MTMR3: variants seen among roughly 807,000 people sequenced by gnomAD.
The protein encoded by MTMR3 is myotubularin related protein 3, also known as phosphatidylinositol-3,5-bisphosphate 3-phosphatase MTMR3.
A neutral mutation model predicts 132.4 loss-of-function variants in MTMR3; 32 were observed. The ratio of observed to expected loss-of-function variants is 0.24; its 90% CI spans 0.18 to 0.32. The LOEUF is 0.32. Ranked by LOEUF, MTMR3 falls within the 10% of genes least tolerant of loss-of-function variation. The pLI is 1.00. For missense variants in MTMR3, 1,216 were observed against 1,489.6 expected, an observed-to-expected ratio of 0.82 and a Z score of 3.02; for synonymous variants, 556 against 550.3, an observed-to-expected ratio of 1.01 and a Z score of -0.14.
At position 30,028,007 on chromosome 22, in the gene MTMR3, G is replaced by A. The variant is rs1228019198; in HGVS notation, c.*2206G>A. The A allele has an allele frequency of 1.3e-5, 2 of 152,302 alleles. No individual in the cohort carries two copies. Among genetic ancestry groups the A allele is most frequent in the Non-Finnish European group, 2.9e-5 (2 of 68,036 alleles). 9.4% of individuals were successfully genotyped at this position (152,302 alleles called of 1,614,324 possible). ...AGATAGCCTTCCGACTCTAGACCTT[G>A]GCAAGGAGCCTCACCATGATGTTCA... On this transcript the variant is annotated 3_prime_UTR_variant, in exon 20 of 20. Coordinates refer to ENST00000401950, the MANE Select transcript of MTMR3 (RefSeq NM_021090.4).
At chr22:29,981,480 G>A (rs2066741856) in intron 5 of MTMR3, 1 of 152,128 alleles carries the variant, frequency 6.6e-6, no homozygotes, top group Admixed American at 6.5e-5. Context: ...TAATCTGAAA[G>A]TGTTTTTTTT....
In MTMR3 at chr22:30,016,708, C is replaced by T. The variant is rs775198465; in HGVS notation, c.1674+10C>T. The T allele has an allele frequency of 3.7e-5, 59 of 1,606,474 alleles. No individual in the cohort carries two copies. Among genetic ancestry groups the T allele is most frequent in the Non-Finnish European group, 5.0e-5 (59 of 1,175,886 alleles). On this transcript the variant is annotated intron_variant, in intron 15 of 19. Transcript: ENST00000401950. ...CTCTCAGTCAGAAGCCGTATGTATCCTTCAGCCTTTCCACTGTGGTCAGCA... is the reference window on the plus strand; with the variant it reads ...CTCTCAGTCAGAAGCCGTATGTATCTTTCAGCCTTTCCACTGTGGTCAGCA...
At chr22:29,917,877 A>G (rs557530614) in intron 1 of MTMR3, among the ~76,000 whole-genome samples, 2 of 152,358 alleles carry the variant, frequency 1.3e-5, no homozygotes, top group South Asian at 4.1e-4. Context: ...TGGATAAGTA[A>G]GATCTTTTTG....
At chr22:29,900,352 A>G (rs1456838039) in intron 1 of MTMR3, among the ~76,000 whole-genome samples, 4 of 152,164 alleles carry the variant, frequency 2.6e-5, no homozygotes, top group African/African-American at 7.2e-5. Flanking sequence ...TTCTTTTGCA[A>G]ACTGAATTAG....
intron 1 of MTMR3, among the ~76,000 whole-genome samples, chr22:29,939,239 C>T (rs181887582): frequency 2.0e-5 from 3 of 152,174 alleles, no homozygotes; most frequent in African/African-American, 7.2e-5. Flanking sequence ...ATTTTTGTGT[C>T]CTAACTTAAG....
At chr22:30,022,185 T>C (rs2067776698) in intron 18 of MTMR3, 46 bp downstream of exon 18, 2 of 1,494,170 alleles carry the variant, frequency 1.3e-6, no homozygotes, top group Non-Finnish European at 1.9e-6. Flanking sequence ...TTAACTGTTT[T>C]GTGGTTCTTC....
At chr22:30,016,182 C>G in intron 14 of MTMR3, 1 of 213,910 alleles carries the variant, frequency 4.7e-6, no homozygotes. Flanking sequence ...AGTAGTTTTA[C>G]AAACATACTG....
chr22:29,889,985 C>T (rs2064763140), intron 1 of MTMR3, among the ~76,000 whole-genome samples: 1 of 147,970 alleles, frequency 6.8e-6, no homozygotes, highest in African/African-American at 2.5e-5. Context: ...AGGCTCACTG[C>T]AGCCTCTGCC....
chr22:29,891,734 A>G (rs780796876), intron 1 of MTMR3, among the ~76,000 whole-genome samples: 1 of 152,014 alleles, frequency 6.6e-6, no homozygotes, highest in Non-Finnish European at 1.5e-5. Context: ...TGCATATGTT[A>G]TACTTGCTTT....
chr22:29,948,005 T>G lies in MTMR3; in HGVS notation c.-137-9031T>G, dbSNP rs184017968. Among the ~76,000 whole-genome samples, 678 of 152,232 alleles carry G rather than the reference T, an allele frequency of 4.5e-3. 6 individuals carry two copies. Among genetic ancestry groups the G allele is most frequent in the African/African-American group, 0.015 (640 of 41,540 alleles). ...GTGTGTGGTTATTGGAGGTTGTTGGTGTTTTCATTGGCGTGTTTTCAAAAA... is the reference window on the plus strand; with the variant it reads ...GTGTGTGGTTATTGGAGGTTGTTGGGGTTTTCATTGGCGTGTTTTCAAAAA... On this transcript the variant is annotated intron_variant, in intron 1 of 19. Coordinates refer to ENST00000401950, the MANE Select transcript of MTMR3 (RefSeq NM_021090.4).
chr22:29,927,890 A>G (rs1202702835), intron 1 of MTMR3, among the ~76,000 whole-genome samples: 6 of 151,162 alleles, frequency 4.0e-5, no homozygotes, highest in Admixed American at 1.3e-4. Context: ...AATCATGACT[A>G]CATATCCTTG....
At chr22:29,979,481 A>G in intron 5 of MTMR3, 1 of 240,276 alleles carries the variant, frequency 4.2e-6, no homozygotes, top group Non-Finnish European at 8.1e-6. Flanking sequence ...GACCAGAGCA[A>G]GACTCCATCT....
intron 5 of MTMR3, 83 bp from the exon 6 acceptor site, chr22:29,988,397 T>C: frequency 7.3e-6 from 7 of 955,294 alleles, no homozygotes; most frequent in Non-Finnish European, 1.1e-5. Flanking sequence ...TAGATCTTTT[T>C]AATTAGTCTT....
chr22:29,884,054 T>G (rs944059652), intron 1 of MTMR3, among the ~76,000 whole-genome samples: 1 of 152,208 alleles, frequency 6.6e-6, no homozygotes, highest in Non-Finnish European at 1.5e-5. Flanking sequence ...AGGTTGTATT[T>G]TGGACTGGAA....
chr22:30,003,294 A>G (rs2067211786), intron 9 of MTMR3: 2 of 217,610 alleles, frequency 9.2e-6, no homozygotes, highest in Admixed American at 1.1e-4. Context: ...CTTACTAAGC[A>G]TTTAGCTTCA....
Position 29,979,060 on chromosome 22 carries a change from A to C in MTMR3, c.210+8A>C. 1 of 1,555,312 alleles carries C rather than the reference A, an allele frequency of 6.4e-7. No individual in the cohort carries two copies. The highest frequency in any genetic ancestry group is 1.4e-5 in the African/African-American group (1 of 73,760). On this transcript the variant is annotated splice_region_variant and intron_variant, in intron 5 of 19. Coordinates refer to ENST00000401950, the MANE Select transcript of MTMR3 (RefSeq NM_021090.4). ...AAGGAGTCTCTTGTTAATGTAAGTG[A>C]TTACCAGCTGTTCTCCCTCTAAGGT...
chr22:29,894,983 T>C (rs2064866066), intron 1 of MTMR3, among the ~76,000 whole-genome samples: 1 of 152,062 alleles, frequency 6.6e-6, no homozygotes, highest in South Asian at 2.1e-4. Flanking sequence ...GAGGCCAAGG[T>C]GGGCAGGTGA....
chr22:30,025,386 TTTTGAGTCA>T lies in MTMR3; in HGVS notation c.3426-243_3426-235del. ...TCTTTTGTATACCTGAGCAGCATTC[TTTTGAGTCA>T]GTGGTGAGGCAGCCAAGAATCCTTG... is the stretch of plus-strand genomic sequence containing the variant. On this transcript the variant is annotated intron_variant, in intron 19 of 19. Coordinates refer to ENST00000401950, the MANE Select transcript of MTMR3 (RefSeq NM_021090.4). The T allele has an allele frequency of 1.3e-5, 7 of 549,438 alleles. No homozygotes were observed. In the South Asian group the frequency reaches 1.5e-4, roughly 11 times the overall value. The allele number at this position is 549,438 out of a possible 1,614,324, so 34.0% of individuals were successfully genotyped here. A position where few individuals can be genotyped will look rare whatever the true frequency, so the allele number is the denominator to read the frequency against.
intron 1 of MTMR3, among the ~76,000 whole-genome samples, chr22:29,934,181 C>T (rs1408648632): frequency 6.6e-6 from 1 of 152,046 alleles, no homozygotes; most frequent in Admixed American, 6.6e-5. Context: ...GGTGAAACCC[C>T]ATCTCTACTA....
Sources: allele counts gnomAD v4.1 joint callset (sites outside exome capture counted in the v4.1 genomes callset), GRCh38; gene constraint gnomAD v4.1.1; transcripts MANE v1.5; gene names NCBI Gene and HGNC (gene_info 2026-07-23, HGNC 2026-07-21).